Variants in ADAM19 observed in about 807,000 individuals in gnomAD.
ADAM19 encodes disintegrin and metalloproteinase domain-containing protein 19.
In ADAM19, 65 loss-of-function variants were observed where a neutral mutation model predicts 114.7. The observed-to-expected ratio is 0.57, with a 90% CI of 0.46 to 0.70. ADAM19 has a LOEUF of 0.70. ADAM19 is among the 30% of genes least tolerant of loss of function. The pLI is 0.00. For synonymous variants in ADAM19, 466 were observed against 460.5 expected (o/e 1.01, Z -0.15); for missense variants, 1,063 against 1,204.7 (o/e 0.88, Z 1.74).
rs76196027 is a variant in ADAM19, at chr5:157,502,547, G to A, written c.1308+256C>T. On this transcript the variant is annotated intron_variant, in intron 12 of 22. Coordinates refer to ENST00000257527, the MANE Select transcript of ADAM19 (RefSeq NM_033274.5). Reference sequence around the variant, plus strand: ...GACAGAGTCAACATGCCACGTGATCGTGGTTTCTGGTTAGACCAGACACTC... The same window carrying A: ...GACAGAGTCAACATGCCACGTGATCATGGTTTCTGGTTAGACCAGACACTC... Among the ~76,000 whole-genome samples the A allele has an allele frequency of 2.2e-3, 336 of 152,330 alleles. 1 individual carries two copies. The highest frequency in any genetic ancestry group is 4.0e-3 in the African/African-American group (167 of 41,570).
intron 14 of ADAM19, among the ~76,000 whole-genome samples, chr5:157,495,285 G>C (rs981489571): frequency 6.6e-6 from 1 of 152,226 alleles, no homozygotes; most frequent in Non-Finnish European, 1.5e-5. Flanking sequence ...ACAGGCGTGA[G>C]CCACCACACC....
At chr5:157,575,269 G>A (rs1757940637) in intron 1 of ADAM19, among the ~76,000 whole-genome samples, 1 of 152,242 alleles carries the variant, frequency 6.6e-6, no homozygotes, top group South Asian at 2.1e-4. Context: ...GGACACGAGG[G>A]ACCGTGAGAA....
In ADAM19 at chr5:157,491,828, C is replaced by G. The variant is rs1383969169; in HGVS notation, c.1986+7G>C. ...ATGACACAGAGAAGCCAGAACCCAG[C>G]ACGCACCCCATGGCCATTGCACTTC... On this transcript the variant is annotated splice_region_variant and intron_variant, in intron 17 of 22. Coordinates refer to ENST00000257527, the MANE Select transcript of ADAM19 (RefSeq NM_033274.5). 1 of 1,614,214 alleles carries G rather than the reference C, an allele frequency of 6.2e-7. No individual in the cohort carries two copies. Among genetic ancestry groups the G allele is most frequent in the Non-Finnish European group, 8.5e-7 (1 of 1,180,008 alleles).
At chr5:157,525,475 C>G (rs938405218) in intron 5 of ADAM19, among the ~76,000 whole-genome samples, 34 of 152,172 alleles carry the variant, frequency 2.2e-4, no homozygotes, top group Non-Finnish European at 4.7e-4. Context: ...AAAGAACTTG[C>G]CCAAGCTCAC....
rs1000960114 is a variant in ADAM19 at position 157,493,144 on chromosome 5, G to A, written c.1737C>T (p.Ser579=). 6.2e-7 allele frequency: 1 copy of A among 1,614,196 alleles called. No individual in the cohort carries two copies. The highest frequency in any genetic ancestry group is 8.5e-7 in the Non-Finnish European group (1 of 1,180,008). Residue 579 remains serine (S), a synonymous_variant, in exon 16 of 23, where the codon AGC becomes AGT. Transcript: ENST00000257527. ...DAKCGKIQCQ[S]SEARPLESNA... Reference sequence around the variant, plus strand: ...TGGACTCCAGGGGCCGGGCCTCAGAGCTCTGACACTGGATCTTCCCACACT... The same window carrying A: ...TGGACTCCAGGGGCCGGGCCTCAGAACTCTGACACTGGATCTTCCCACACT...
chr5:157,513,926 T>C (rs1756012947), intron 7 of ADAM19, among the ~76,000 whole-genome samples: 1 of 152,244 alleles, frequency 6.6e-6, no homozygotes, highest in Non-Finnish European at 1.5e-5. Context: ...TCCCTACATG[T>C]GGTCAATCAA....
chr5:157,493,527 T>TC (rs1286953932), intron 15 of ADAM19, among the ~76,000 whole-genome samples: 1 of 152,042 alleles, frequency 6.6e-6, no homozygotes, highest in Non-Finnish European at 1.5e-5. Context: ...CATCTCCAAC[T>TC]CCCCATTCTC....
intron 1 of ADAM19, among the ~76,000 whole-genome samples, chr5:157,574,900 C>T (rs1019705735): frequency 6.6e-6 from 1 of 152,324 alleles, no homozygotes; most frequent in Non-Finnish European, 1.5e-5. Flanking sequence ...GGAAAGAGAG[C>T]CCTGGTTTCC....
Position 157,478,780 on chromosome 5 carries a change from A to C in ADAM19, c.*2169T>G. 1 of 985,868 alleles carries C rather than the reference A, an allele frequency of 1.0e-6. No individual in the cohort carries two copies. The highest frequency in any genetic ancestry group is 4.7e-5 in the South Asian group (1 of 21,288). 61.1% of individuals were successfully genotyped at this position (985,868 alleles called of 1,614,324 possible). ...AAAATAATAAAACAAAACAAAACAA[A>C]AAGCAAGAAAACGACAACCCAGGTC... On this transcript the variant is annotated 3_prime_UTR_variant, in exon 23 of 23. Transcript: ENST00000257527.
chr5:157,491,652 G>A lies in ADAM19; in HGVS notation c.2058C>T (p.His686=), dbSNP rs141977307. Residue 686 remains histidine (H), a synonymous_variant, in exon 18 of 23, where the codon CAC becomes CAT. Coordinates refer to ENST00000257527, the MANE Select transcript of ADAM19 (RefSeq NM_033274.5). ...WAPPFCNTPG[H]GGSIDSGPMP... is the part of the protein sequence containing the mutation. Reference sequence around the variant, plus strand: ...TAGGCCCACTGTCGATACTGCCCCCGTGGCCCGGTGTGTTGCAGAAGGGCG... The same window carrying A: ...TAGGCCCACTGTCGATACTGCCCCCATGGCCCGGTGTGTTGCAGAAGGGCG... 6.1e-5 allele frequency: 95 copies of A among 1,557,576 alleles called. No individual in the cohort carries two copies. The highest frequency in any genetic ancestry group is 1.8e-4 in the South Asian group (15 of 81,428).
At chr5:157,545,294 A>T (rs75242119) in intron 3 of ADAM19, among the ~76,000 whole-genome samples, 2,954 of 152,214 alleles carry the variant, frequency 0.019, 86 homozygotes, top group African/African-American at 0.069. Flanking sequence ...ACAGTGGCCC[A>T]ACTTGCATTT....
intron 1 of ADAM19, among the ~76,000 whole-genome samples, chr5:157,573,920 G>C (rs939451092): frequency 2.8e-4 from 43 of 152,140 alleles, no homozygotes; most frequent in Non-Finnish European, 1.8e-4. Flanking sequence ...CCCTGAATCA[G>C]CTTTACTCTC....
In ADAM19 at chr5:157,569,396, C is replaced by CCG. The variant is rs372664798; in HGVS notation, c.180+1498_180+1499insCG. Among the ~76,000 whole-genome samples, 570 of 150,918 alleles carry CCG rather than the reference C, an allele frequency of 3.8e-3. 5 individuals carry two copies. The highest frequency in any genetic ancestry group is 0.013 in the African/African-American group (547 of 41,020). ...AGTAGCTGGGACTACAGACACACAC[C>CCG]CCTAGGTCTAGCTAATTTTCTTTTT... On this transcript the variant is annotated intron_variant, in intron 2 of 22. Transcript: ENST00000257527.
chr5:157,488,148 GA>G, intron 21 of ADAM19, 116 bp downstream of exon 21: 1 of 1,048,466 alleles, frequency 9.5e-7, no homozygotes, highest in Non-Finnish European at 1.4e-6. Context: ...CTGAATTGCA[GA>G]AAAGGCAGTC....
intron 5 of ADAM19, among the ~76,000 whole-genome samples, chr5:157,526,314 C>T (rs976351420): frequency 6.6e-6 from 1 of 152,090 alleles, no homozygotes; most frequent in African/African-American, 2.4e-5. Context: ...AAACAACTTT[C>T]ACTTTTTAAA....
intron 2 of ADAM19, chr5:157,568,519 T>G (rs553916260): frequency 6.6e-6 from 1 of 152,292 alleles, no homozygotes; most frequent in African/African-American, 2.4e-5. Context: ...TCCTATGAAG[T>G]ACAGTAAGCT....
chr5:157,494,837 G>C (rs759871419), intron 14 of ADAM19, 42 bp from the exon 15 acceptor site: 2 of 1,546,914 alleles, frequency 1.3e-6, no homozygotes, highest in South Asian at 2.2e-5. Context: ...TCATCTGTCA[G>C]AAGCCCCCAA....
At chr5:157,513,805 G>T (rs1756007408) in intron 7 of ADAM19, among the ~76,000 whole-genome samples, 1 of 152,134 alleles carries the variant, frequency 6.6e-6, no homozygotes, top group Non-Finnish European at 1.5e-5. Flanking sequence ...CCTGTCCTTC[G>T]AATTACATGG....
chr5:157,479,076 G>A lies in ADAM19; in HGVS notation c.*1873C>T, dbSNP rs374344847. On this transcript the variant is annotated 3_prime_UTR_variant, in exon 23 of 23. Transcript: ENST00000257527. The stretch of plus-strand genomic sequence containing the variant: ...GGTAGCACATTTAAATAAAAGGTTG[G>A]GCCACAGGAAAGGTGGGGAATGGAT... 11 of 985,790 alleles carry A rather than the reference G, an allele frequency of 1.1e-5. No homozygotes were observed. In the African/African-American group the frequency reaches 1.9e-4, roughly 17 times the overall value. 61.1% of individuals were successfully genotyped at this position (985,790 alleles called of 1,614,324 possible). A position where few individuals can be genotyped will look rare whatever the true frequency, so the allele number is the denominator to read the frequency against.
Sources: gnomAD v4.1 joint callset for allele counts (sites outside exome capture counted in the v4.1 genomes callset) on GRCh38, gnomAD v4.1.1 for gene constraint, MANE v1.5 for transcripts, NCBI Gene and HGNC (gene_info 2026-07-23, HGNC 2026-07-21) for gene names.